NALF1: variants seen among roughly 807,000 people sequenced by gnomAD.
The protein encoded by NALF1 is family with sequence similarity 155 member A.
A neutral mutation model predicts 48.4 loss-of-function variants in NALF1; 3 were observed. The observed-to-expected ratio is 0.06, with a 90% CI of 0.03 to 0.16. NALF1 has a LOEUF of 0.16. Among genes scored for constraint, NALF1 ranks in the 10% least tolerant of loss-of-function variants. The probability of loss-of-function intolerance (pLI) is 1.00; values close to 1 mark genes in which losing one functional copy is unlikely to be tolerated. For missense variants in NALF1, 526 were observed against 571.5 expected (o/e 0.92, Z 0.81); for synonymous variants, 262 against 245.7 (o/e 1.07, Z -0.62).
intron 1 of NALF1, among the ~76,000 whole-genome samples, chr13:107,493,537 AAAG>A (rs1208478224): frequency 6.6e-6 from 1 of 152,164 alleles, no homozygotes; most frequent in Non-Finnish European, 1.5e-5. Flanking sequence ...GTATAGAAAT[AAAG>A]AAGTTTACAG....
At chr13:107,205,956 G>C (rs1033395538) in intron 2 of NALF1, among the ~76,000 whole-genome samples, 1 of 151,960 alleles carries the variant, frequency 6.6e-6, no homozygotes, top group Non-Finnish European at 1.5e-5. Flanking sequence ...TAATTACCAC[G>C]ATGACGGGTT....
chr13:107,336,158 C>T (rs1375418188), intron 1 of NALF1, among the ~76,000 whole-genome samples: 2 of 151,938 alleles, frequency 1.3e-5, no homozygotes, highest in Admixed American at 1.3e-4. Context: ...TCAAGACTGG[C>T]CTGGCTAACA....
At chr13:107,332,627 A>G (rs1372065584) in intron 1 of NALF1, among the ~76,000 whole-genome samples, 1 of 152,146 alleles carries the variant, frequency 6.6e-6, no homozygotes, top group African/African-American at 2.4e-5. Flanking sequence ...TATTAATGGG[A>G]TTCTATTTCT....
intron 1 of NALF1, among the ~76,000 whole-genome samples, chr13:107,800,083 C>T (rs553423412): frequency 1.3e-5 from 2 of 152,032 alleles, no homozygotes; most frequent in Non-Finnish European, 2.9e-5. Context: ...TTGAAATCTC[C>T]GCACTTAAGG....
intron 1 of NALF1, among the ~76,000 whole-genome samples, chr13:107,443,955 A>C (rs1461853053): frequency 2.0e-5 from 3 of 152,202 alleles, no homozygotes; most frequent in African/African-American, 7.2e-5. Flanking sequence ...CAGTGTTCAT[A>C]TTAATCACAC....
intron 1 of NALF1, among the ~76,000 whole-genome samples, chr13:107,298,457 G>C (rs1187802325): frequency 1.3e-5 from 2 of 149,438 alleles, no homozygotes; most frequent in Non-Finnish European, 3.0e-5. Context: ...TTTTGAGACA[G>C]AGTCTCACTC....
intron 1 of NALF1, among the ~76,000 whole-genome samples, chr13:107,837,751 C>T (rs1260919988): frequency 2.0e-5 from 3 of 151,966 alleles, no homozygotes; most frequent in Non-Finnish European, 2.9e-5. Flanking sequence ...CAGAGCCACC[C>T]GGGTGTGAGA....
intron 1 of NALF1, among the ~76,000 whole-genome samples, chr13:107,451,277 G>T (rs560322659): frequency 6.6e-6 from 1 of 152,212 alleles, no homozygotes; most frequent in Non-Finnish European, 1.5e-5. Context: ...AGACTTGAGC[G>T]TGGTGAGAGG....
intron 1 of NALF1, among the ~76,000 whole-genome samples, chr13:107,593,196 T>G (rs189982391): frequency 9.1e-4 from 139 of 152,022 alleles, no homozygotes; most frequent in Non-Finnish European, 1.5e-3. Context: ...AAATTTAATC[T>G]AGGAATTTAA....
At chr13:107,477,979 G>GA (rs1197565694) in intron 1 of NALF1, among the ~76,000 whole-genome samples, 1 of 151,884 alleles carries the variant, frequency 6.6e-6, no homozygotes, top group African/African-American at 2.4e-5. Context: ...TCCTGTCACA[G>GA]AAAGTGTATG....
chr13:107,661,362 C>T (rs758233658), intron 1 of NALF1, among the ~76,000 whole-genome samples: 52 of 152,248 alleles, frequency 3.4e-4, no homozygotes, highest in Middle Eastern at 3.4e-3. Context: ...AAAGCATATG[C>T]CTTATTGTTA....
Position 107,170,617 on chromosome 13 carries a change from C to T in NALF1, c.1257G>A (p.Leu419=), listed in dbSNP as rs781371000. The change falls in exon 3 of 3, where the codon CTG becomes CTA. Residue 419 remains leucine (L), a synonymous_variant. Coordinates refer to ENST00000375915, the MANE Select transcript of NALF1 (RefSeq NM_001080396.3). ...GTAAGAGAATCAGTACAAGAACACA[C>T]AGCTTGAGTCTGCTGTTGCACAGTC... ...ATRLCNSRLK[L]CVLVLILLHT... 8.1e-6 allele frequency: 13 copies of T among 1,614,116 alleles called. No homozygotes were observed. The highest frequency in any genetic ancestry group is 1.3e-5 in the African/African-American group (1 of 74,946).
chr13:107,328,425 G>T (rs1566486558), intron 1 of NALF1, among the ~76,000 whole-genome samples: 1 of 151,708 alleles, frequency 6.6e-6, no homozygotes, highest in Non-Finnish European at 1.5e-5. Flanking sequence ...CTTGTACTTT[G>T]TTCAAATTAT....
rs866313554 is a variant in NALF1, at chr13:107,866,037, G to A, written c.560C>T (p.Ala187Val). The A allele has an allele frequency of 1.2e-6, 2 of 1,612,054 alleles. No individual in the cohort carries two copies. Among genetic ancestry groups the A allele is most frequent in the East Asian group, 2.2e-5 (1 of 44,874 alleles). ...CCAGTTCCTGGCGCACACCGCGTCC[G>A]CATTCTCCACCGTGAAGCACTGGCC... ...SSGQCFTVEN[A>V]DAVCARNWSR... The change falls in exon 1 of 3, where the codon GCG becomes GTG. Residue 187 changes from alanine to valine, a missense_variant. Transcript: ENST00000375915. This position sits in a 1 kb window ranked among gnomAD's most constrained non-coding sequence, Gnocchi z 4.4.
At chr13:107,215,498 T>G (rs1294835879) in intron 1 of NALF1, among the ~76,000 whole-genome samples, 1 of 139,804 alleles carries the variant, frequency 7.2e-6, no homozygotes, top group Non-Finnish European at 1.6e-5. Flanking sequence ...TTCACACTCT[T>G]AATGAAGATT....
At chr13:107,805,989 A>G (rs1006539097) in intron 1 of NALF1, among the ~76,000 whole-genome samples, 3 of 152,246 alleles carry the variant, frequency 2.0e-5, no homozygotes, top group Non-Finnish European at 2.9e-5. Flanking sequence ...TGTCATTCAT[A>G]GTTCTAAATA....
At chr13:107,208,327 T>A (rs1879686617) in intron 2 of NALF1, among the ~76,000 whole-genome samples, 1 of 152,174 alleles carries the variant, frequency 6.6e-6, no homozygotes, top group Non-Finnish European at 1.5e-5. Flanking sequence ...TTTTCCTTAA[T>A]GACGTAGCTA....
chr13:107,431,443 A>G (rs72650594), intron 1 of NALF1, among the ~76,000 whole-genome samples: 13,076 of 152,214 alleles, frequency 0.086, 674 homozygotes, highest in Non-Finnish European at 0.12. Context: ...GACAACAAAT[A>G]ATTTGTTCTC....
intron 1 of NALF1, among the ~76,000 whole-genome samples, chr13:107,626,620 TAGTA>T (rs1879681405): frequency 6.6e-6 from 1 of 152,122 alleles, no homozygotes; most frequent in Non-Finnish European, 1.5e-5. Flanking sequence ...TCTGCAGCAA[TAGTA>T]ACCTCTGTTT....
Sources: allele counts gnomAD v4.1 joint callset (sites outside exome capture counted in the v4.1 genomes callset), GRCh38; gene constraint gnomAD v4.1.1; non-coding constraint Gnocchi (gnomAD v3.1); transcripts MANE v1.5; gene names NCBI Gene and HGNC (gene_info 2026-07-23, HGNC 2026-07-21).